The following NEDD1 variants were observed in gnomAD, a reference collection of about 807,000 sequenced individuals.
The protein encoded by NEDD1 is protein NEDD1.
A neutral mutation model predicts 74.0 loss-of-function variants in NEDD1; 33 were observed. That is an observed-to-expected ratio of 0.45 (90% confidence interval 0.34 to 0.60). The LOEUF (loss-of-function observed/expected upper bound fraction) is 0.60. NEDD1 is among the 20% of genes least tolerant of loss of function. The probability of loss-of-function intolerance (pLI) is 0.01; values close to 1 mark genes in which losing one functional copy is unlikely to be tolerated. For missense variants in NEDD1, 746 were observed against 776.5 expected, an observed-to-expected ratio of 0.96 and a Z score of 0.47; for synonymous variants, 250 against 264.4, an observed-to-expected ratio of 0.95 and a Z score of 0.53.
intron 3 of NEDD1, 85 bp downstream of exon 3, chr12:96,909,980 T>C (rs571383582): frequency 6.2e-6 from 9 of 1,452,218 alleles, no homozygotes; most frequent in East Asian, 2.3e-5. Context: ...AACTTTTGCA[T>C]GTGCCTCATA....
intron 6 of NEDD1, among the ~76,000 whole-genome samples, chr12:96,926,629 A>G (rs2136548367): frequency 6.6e-6 from 1 of 151,626 alleles, no homozygotes; most frequent in Non-Finnish European, 1.5e-5. Flanking sequence ...CAAAGCATCG[A>G]ATTGCTACTT....
chr12:96,932,463 A>AATATATATATATAT lies in NEDD1; in HGVS notation c.490-2501_490-2488dup, dbSNP rs1555203253. Among the ~76,000 whole-genome samples the AATATATATATATAT allele has an allele frequency of 1.1e-3, 10 of 9,416 alleles. 1 individual carries two copies. Among genetic ancestry groups the AATATATATATATAT allele is most frequent in the African/African-American group, 1.7e-3 (5 of 2,962 alleles). The allele number at this position is 9,416 out of a possible 152,430, so 6.2% of individuals were successfully genotyped here. A position where few individuals can be genotyped will look rare whatever the true frequency, so the allele number is the denominator to read the frequency against. Reference sequence around the variant, plus strand: ...CTCTTAAAAAAAAAAAAAAAAAAAAAATATATATATATATATATATATATA... The same window carrying AATATATATATATAT: ...CTCTTAAAAAAAAAAAAAAAAAAAAAATATATATATATATATATATATATATATATATATATATA... On this transcript the variant is annotated intron_variant, in intron 6 of 15. Transcript: ENST00000266742.
At chr12:96,932,461 A>ATAT (rs60535832) in intron 6 of NEDD1, among the ~76,000 whole-genome samples, 2 of 12,258 alleles carry the variant, frequency 1.6e-4, no homozygotes, top group African/African-American at 2.4e-4. Context: ...AAAAAAAAAA[A>ATAT]AAATATATAT....
At chr12:96,930,207 ACACACTCTCTCTCT>A (rs1427324195) in intron 6 of NEDD1, among the ~76,000 whole-genome samples, 9 of 91,196 alleles carry the variant, frequency 9.9e-5, no homozygotes, top group African/African-American at 4.0e-4. Flanking sequence ...ACACACACAC[ACACACTCTCTCTCT>A]CTCTCTCTCT....
intron 14 of NEDD1, among the ~76,000 whole-genome samples, chr12:96,948,540 A>T (rs548564243): frequency 6.6e-6 from 1 of 152,264 alleles, no homozygotes; most frequent in East Asian, 1.9e-4. Flanking sequence ...TGAATTTAAA[A>T]TAATATGATT....
intron 14 of NEDD1, 70 bp downstream of exon 14, chr12:96,945,919 T>TA: frequency 1.1e-6 from 1 of 913,338 alleles, no homozygotes; most frequent in South Asian, 1.6e-5. Flanking sequence ...AAACCAGAAC[T>TA]ATAGATAATG....
At chr12:96,909,931 CACAA>C in intron 3 of NEDD1, 36 bp downstream of exon 3, 1 of 1,583,094 alleles carries the variant, frequency 6.3e-7, no homozygotes, top group Middle Eastern at 1.7e-4. Flanking sequence ...CACACACACA[CACAA>C]ACCGCTTATT....
chr12:96,948,578 A>G (rs10860107), intron 14 of NEDD1, among the ~76,000 whole-genome samples: 78,689 of 151,932 alleles, frequency 0.52, 20,719 homozygotes, highest in East Asian at 0.55. Flanking sequence ...TGTTTTCGTT[A>G]TTAGAGTTGA....
intron 7 of NEDD1, among the ~76,000 whole-genome samples, chr12:96,935,695 A>G (rs973574075): frequency 7.9e-5 from 12 of 152,160 alleles, no homozygotes; most frequent in African/African-American, 2.9e-4. Flanking sequence ...GTCCCCTGGT[A>G]GTAACCAGGG....
At chr12:96,945,566 C>T (rs942500189) in intron 13 of NEDD1, 127 bp from the exon 14 acceptor site, 7 of 598,344 alleles carry the variant, frequency 1.2e-5, no homozygotes, top group Non-Finnish European at 2.1e-5. Context: ...GTGAATTTTT[C>T]TAAATGTCAC....
chr12:96,934,932 T>C (rs1457962687), intron 6 of NEDD1, 44 bp from the exon 7 acceptor site: 3 of 1,163,086 alleles, frequency 2.6e-6, no homozygotes, highest in East Asian at 2.4e-5. Flanking sequence ...AATGTCCTTA[T>C]GAATGCTTAT....
At chr12:96,932,463 A>AATATATATAT (rs1555203253) in intron 6 of NEDD1, among the ~76,000 whole-genome samples, 29 of 9,414 alleles carry the variant, frequency 3.1e-3, no homozygotes, top group African/African-American at 7.4e-3. Flanking sequence ...AAAAAAAAAA[A>AATATATATAT]ATATATATAT....
At position 96,917,776 on chromosome 12, in the gene NEDD1, A is replaced by G. The variant is rs963096334; in HGVS notation, c.348+39A>G. On this transcript the variant is annotated intron_variant, in intron 5 of 15. Transcript: ENST00000266742. ...AAAAAATCTTCATGAAAAAATGGAT[A>G]TCTTAATGCATTTAGAGTACTTACC... The G allele has an allele frequency of 4.6e-6, 7 of 1,526,056 alleles. No homozygotes were observed. In the African/African-American group the frequency reaches 1.0e-4, roughly 22 times the overall value. The allele number at this position is 1,526,056 out of a possible 1,614,324, so 94.5% of individuals were successfully genotyped here.
rs1254512190 is a variant in NEDD1, at chr12:96,953,550, T to A, written c.*1497T>A. The A allele has an allele frequency of 6.6e-6, 1 of 151,732 alleles. No homozygotes were observed. The highest frequency in any genetic ancestry group is 1.5e-5 in the Non-Finnish European group (1 of 67,760). The allele number at this position is 151,732 out of a possible 1,614,324, so 9.4% of individuals were successfully genotyped here. Reference sequence around the variant, plus strand: ...TATTAATATTTTCCTGTTGCTTTTTTAAAAAAATAAATACACATAATGTAT... The same window carrying A: ...TATTAATATTTTCCTGTTGCTTTTTAAAAAAAATAAATACACATAATGTAT... On this transcript the variant is annotated 3_prime_UTR_variant, in exon 16 of 16. Coordinates refer to ENST00000266742, the MANE Select transcript of NEDD1 (RefSeq NM_152905.4).
intron 6 of NEDD1, among the ~76,000 whole-genome samples, chr12:96,930,929 AG>A (rs1350500863): frequency 1.3e-5 from 2 of 152,236 alleles, no homozygotes; most frequent in Non-Finnish European, 1.5e-5. Flanking sequence ...TCCCATTGAA[AG>A]GATTTTAAGC....
rs976692058 is a variant in NEDD1, at chr12:96,946,209, T to A, written c.1811+360T>A. Among the ~76,000 whole-genome samples, 4 of 152,124 alleles carry A rather than the reference T, an allele frequency of 2.6e-5. No individual in the cohort carries two copies. In the South Asian group the frequency reaches 8.3e-4, roughly 31 times the overall value. ...ATTAGGTATGCTGTGTGCAATAATG[T>A]AGTAGAAAAAGATACTTTAAAGCAC... is the stretch of plus-strand genomic sequence containing the variant. On this transcript the variant is annotated intron_variant, in intron 14 of 15. Coordinates refer to ENST00000266742, the MANE Select transcript of NEDD1 (RefSeq NM_152905.4).
chr12:96,914,517 T>C (rs1343830357), intron 4 of NEDD1, among the ~76,000 whole-genome samples: 2 of 152,218 alleles, frequency 1.3e-5, no homozygotes, highest in African/African-American at 4.8e-5. Context: ...AATTTAGTTA[T>C]GAAAATATTT....
At chr12:96,909,316 T>C (rs532933754) in intron 2 of NEDD1, among the ~76,000 whole-genome samples, 42 of 152,210 alleles carry the variant, frequency 2.8e-4, no homozygotes, top group African/African-American at 8.9e-4. Context: ...GGAAAGGCCT[T>C]TCATAGGAGG....
chr12:96,934,527 G>GT (rs758095784), intron 6 of NEDD1, among the ~76,000 whole-genome samples: 26 of 150,246 alleles, frequency 1.7e-4, no homozygotes, highest in Non-Finnish European at 3.1e-4. Flanking sequence ...ACAGAGTTGG[G>GT]TTTTTTTGTT....
Sources: gnomAD v4.1 joint callset for allele counts (sites outside exome capture counted in the v4.1 genomes callset) on GRCh38, gnomAD v4.1.1 for gene constraint, MANE v1.5 for transcripts, NCBI Gene and HGNC (gene_info 2026-07-23, HGNC 2026-07-21) for gene names.